The following TENM2 variants were observed in gnomAD, a reference collection of about 807,000 sequenced individuals.
TENM2 encodes teneurin transmembrane protein 2.
In TENM2, 52 loss-of-function variants were observed where a neutral mutation model predicts 245.2. The observed-to-expected ratio is 0.21, with a 90% CI of 0.17 to 0.27. The LOEUF is 0.27. Ranked by LOEUF, TENM2 falls within the 10% of genes least tolerant of loss-of-function variation. TENM2 has a pLI of 1.00. For missense variants in TENM2, 3,046 were observed against 3,666.8 expected (o/e 0.83, Z 4.37); for synonymous variants, 1,363 against 1,438.9 (o/e 0.95, Z 1.19).
intron 2 of TENM2, among the ~76,000 whole-genome samples, chr5:167,478,840 T>C (rs2037302803): frequency 6.6e-6 from 1 of 152,232 alleles, no homozygotes; most frequent in African/African-American, 2.4e-5. Flanking sequence ...CTTGTTCTCT[T>C]ACTCTTACTT....
chr5:167,793,429 T>C (rs1695144020), intron 2 of TENM2, among the ~76,000 whole-genome samples: 2 of 152,160 alleles, frequency 1.3e-5, no homozygotes, highest in African/African-American at 4.8e-5. Context: ...ATAGTAATAT[T>C]ATTATTTTTC....
intron 3 of TENM2, among the ~76,000 whole-genome samples, chr5:167,916,595 G>T (rs961035456): frequency 1.3e-5 from 2 of 151,918 alleles, no homozygotes; most frequent in African/African-American, 4.8e-5. Context: ...CTTTGATCTG[G>T]CCCCCCTCCC....
At chr5:167,675,317 A>G (rs1334940291) in intron 2 of TENM2, among the ~76,000 whole-genome samples, 1 of 152,126 alleles carries the variant, frequency 6.6e-6, no homozygotes, top group African/African-American at 2.4e-5. Context: ...TCGATAGTAA[A>G]TTGTCACTTG....
chr5:167,101,849 T>TTATATATATTTATATATATATATA, the TENM2 span, among the ~76,000 whole-genome samples: 1 of 69,456 alleles, frequency 1.4e-5, no homozygotes, highest in Non-Finnish European at 2.6e-5. Flanking sequence ...ATATATATAT[T>TTATATATATTTATATATATATATA]TATATATATA....
At chr5:167,105,679 G>C in the TENM2 span, among the ~76,000 whole-genome samples, 1 of 151,282 alleles carries the variant, frequency 6.6e-6, no homozygotes, top group African/African-American at 2.4e-5. Flanking sequence ...ACGAGGTCAG[G>C]AGATCGAGAC....
At chr5:167,321,193 A>T (rs1756694019) in intron 1 of TENM2, among the ~76,000 whole-genome samples, 1 of 151,534 alleles carries the variant, frequency 6.6e-6, no homozygotes, top group Non-Finnish European at 1.5e-5. Context: ...TGTGATATGT[A>T]TTCACAAAAT....
intron 20 of TENM2, 105 bp from the exon 23 acceptor site, chr5:168,214,935 A>C: frequency 2.3e-6 from 2 of 865,454 alleles, no homozygotes; most frequent in Non-Finnish European, 3.8e-6. Context: ...GTGGAAAGAC[A>C]CTAGAGAAGG....
chr5:167,581,709 A>G (rs1269164712), intron 2 of TENM2, among the ~76,000 whole-genome samples: 1 of 152,226 alleles, frequency 6.6e-6, no homozygotes, highest in African/African-American at 2.4e-5. Context: ...AATAAGATAC[A>G]GTATGAGTAC....
intron 5 of TENM2, among the ~76,000 whole-genome samples, chr5:167,998,847 G>A (rs914848852): frequency 1.3e-5 from 2 of 152,192 alleles, no homozygotes; most frequent in South Asian, 2.1e-4. Context: ...TGTTAAAAGT[G>A]TGGTAATTTG....
chr5:167,373,651 CA>C (rs1760575457), intron 1 of TENM2, among the ~76,000 whole-genome samples: 2 of 152,070 alleles, frequency 1.3e-5, no homozygotes, highest in Non-Finnish European at 2.9e-5. Flanking sequence ...TAAACTGCAC[CA>C]AAATGTTGCC....
intron 2 of TENM2, among the ~76,000 whole-genome samples, chr5:167,537,181 G>A (rs1384144495): frequency 6.6e-6 from 1 of 150,864 alleles, no homozygotes; most frequent in East Asian, 2.0e-4. Context: ...GGAGGCCGAG[G>A]TGGGAGGATC....
chr5:167,522,212 T>C (rs1364289689), intron 2 of TENM2, among the ~76,000 whole-genome samples: 1 of 152,150 alleles, frequency 6.6e-6, no homozygotes, highest in Non-Finnish European at 1.5e-5. Flanking sequence ...CTGGATAAAT[T>C]AGTTTGCTTA....
At chr5:168,161,637 C>T (rs1757748150) in intron 12 of TENM2, among the ~76,000 whole-genome samples, 1 of 152,156 alleles carries the variant, frequency 6.6e-6, no homozygotes, top group Non-Finnish European at 1.5e-5. Context: ...GTCACGGAGG[C>T]TCTGCTAGTG....
chr5:167,776,161 C>CCACACACACTCA (rs1763753607), intron 2 of TENM2, among the ~76,000 whole-genome samples: 2 of 133,110 alleles, frequency 1.5e-5, no homozygotes, highest in African/African-American at 5.8e-5. Context: ...AAAAAAAAAT[C>CCACACACACTCA]CACACACACA....
intron 5 of TENM2, among the ~76,000 whole-genome samples, chr5:168,028,228 A>G (rs1786797207): frequency 6.6e-6 from 1 of 152,182 alleles, no homozygotes. Flanking sequence ...CAAGAGTAGA[A>G]TCACAATTTG....
rs563479844 is a variant in TENM2, at chr5:167,562,537, T to C, written c.502+187064T>C. 6.7e-4 allele frequency among the ~76,000 whole-genome samples: 102 copies of C among 152,186 alleles called. 1 individual carries two copies. The highest frequency in any genetic ancestry group is 1.0e-3 in the Non-Finnish European group (69 of 68,040). On this transcript the variant is annotated intron_variant, in intron 2 of 28. Transcript: ENST00000518659. ...TAAATTATTGTCCACACACCTGAAC[T>C]GAGAGCTGGAGGCCACGCTGCCAGC...
At chr5:167,298,597 G>A (rs562154938) in intron 1 of TENM2, among the ~76,000 whole-genome samples, 68 of 152,192 alleles carry the variant, frequency 4.5e-4, no homozygotes, top group African/African-American at 1.5e-3. Context: ...GCGAGACTCC[G>A]TCTCAAAAAA....
chr5:168,034,012 G>T (rs1787377306), intron 5 of TENM2, among the ~76,000 whole-genome samples: 1 of 144,222 alleles, frequency 6.9e-6, no homozygotes. Context: ...GAGCAACAGA[G>T]CGAGACTCCG....
intron 1 of TENM2, among the ~76,000 whole-genome samples, chr5:167,336,649 T>C (rs1757773622): frequency 6.6e-6 from 1 of 151,984 alleles, no homozygotes; most frequent in Non-Finnish European, 1.5e-5. Flanking sequence ...ATATCAAAAC[T>C]CCCTGTCTTA....
Sources: allele counts gnomAD v4.1 joint callset (sites outside exome capture counted in the v4.1 genomes callset), GRCh38; gene constraint gnomAD v4.1.1; transcripts MANE v1.5; gene names NCBI Gene and HGNC (gene_info 2026-07-23, HGNC 2026-07-21).